The following FRMD4A variants were observed in gnomAD, a reference collection of about 807,000 sequenced individuals.
FRMD4A encodes the protein FERM domain-containing protein 4A.
Under a neutral mutation model 129.1 loss-of-function variants are expected in FRMD4A, and 29 were observed. That is an observed-to-expected ratio of 0.22 (90% CI 0.17 to 0.31). The LOEUF (loss-of-function observed/expected upper bound fraction) is 0.31. Ranked by LOEUF, FRMD4A falls within the 10% of genes least tolerant of loss-of-function variation. The pLI, the probability that FRMD4A is intolerant of heterozygous loss-of-function variation, is 1.00. For synonymous variants in FRMD4A, 634 were observed against 571.6 expected (o/e 1.11, Z -1.56); for missense variants, 1,272 against 1,375.8 (o/e 0.92, Z 1.19).
chr10:13,962,712 G>A (rs2446579), intron 2 of FRMD4A, among the ~76,000 whole-genome samples: 79,637 of 151,954 alleles, frequency 0.52, 21,293 homozygotes, highest in East Asian at 0.81. Context: ...AGTGTTCAAA[G>A]GTAGTTGGCT....
chr10:13,832,424 A>G (rs1181569049), intron 3 of FRMD4A, among the ~76,000 whole-genome samples: 1 of 152,140 alleles, frequency 6.6e-6, no homozygotes. Flanking sequence ...GGATCTTCTA[A>G]ATTAGTGATT....
Position 14,284,767 on chromosome 10 carries a change from T to C in FRMD4A, c.45+45291A>G, listed in dbSNP as rs190417879. Among the ~76,000 whole-genome samples, 4 of 152,360 alleles carry C rather than the reference T, an allele frequency of 2.6e-5. No homozygotes were observed. The East Asian group carries it at 7.7e-4, about 29-fold the overall frequency. ...TGTGGTACTATATGCATTGGTATAC[T>C]ACTTATGCTATATGCTTCTATGGTT... is the stretch of plus-strand genomic sequence containing the variant. On this transcript the variant is annotated intron_variant, in intron 2 of 24. Coordinates refer to ENST00000357447, the MANE Select transcript of FRMD4A (RefSeq NM_018027.5).
Position 13,883,503 on chromosome 10 carries a change from AAAC to A in FRMD4A, c.46-24594_46-24592del, listed in dbSNP as rs148188721. On this transcript the variant is annotated intron_variant, in intron 2 of 24. Coordinates refer to ENST00000357447, the MANE Select transcript of FRMD4A (RefSeq NM_018027.5). ...TGAGACTTTGTCTCAAAAAACAAAC[AAAC>A]AAAAAAAACCAAGAAACAAAGCACT... Among the ~76,000 whole-genome samples the A allele has an allele frequency of 0.015, 2,246 of 152,202 alleles. 130 individuals are homozygous for A. In the East Asian group the frequency reaches 0.19, roughly 13 times the overall value.
intron 9 of FRMD4A, among the ~76,000 whole-genome samples, chr10:13,745,048 T>C (rs927839499): frequency 6.6e-6 from 1 of 152,246 alleles, no homozygotes; most frequent in Non-Finnish European, 1.5e-5. Context: ...TATGTCAAAG[T>C]AGCCAAAAGT....
chr10:13,679,454 A>ATATAT (rs1564590870), intron 15 of FRMD4A, among the ~76,000 whole-genome samples: 1 of 37,040 alleles, frequency 2.7e-5, no homozygotes, highest in African/African-American at 1.2e-4. Flanking sequence ...AAAAAAAAAA[A>ATATAT]AAAAAAATAT....
At chr10:14,097,217 C>T (rs959301622) in intron 2 of FRMD4A, 2 of 146,328 alleles carry the variant, frequency 1.4e-5, no homozygotes, top group Non-Finnish European at 3.0e-5. Flanking sequence ...GGCATATATG[C>T]TATGGATTCT....
chr10:13,974,036 T>TTTTTTG (rs2095531679), intron 2 of FRMD4A, among the ~76,000 whole-genome samples: 1 of 135,412 alleles, frequency 7.4e-6, no homozygotes, highest in Non-Finnish European at 1.6e-5. Flanking sequence ...TTTTTTTTTT[T>TTTTTTG]TTTCTTTCTG....
At chr10:14,295,828 A>C (rs1036832033) in intron 2 of FRMD4A, among the ~76,000 whole-genome samples, 1 of 152,174 alleles carries the variant, frequency 6.6e-6, no homozygotes, top group African/African-American at 2.4e-5. Flanking sequence ...CATAAATTCA[A>C]CGTAATAAGC....
intron 2 of FRMD4A, among the ~76,000 whole-genome samples, chr10:14,240,000 G>A (rs960898759): frequency 2.0e-5 from 3 of 152,156 alleles, no homozygotes; most frequent in Admixed American, 1.3e-4. Context: ...GAGATACTTG[G>A]TGAACTGTAA....
chr10:13,773,070 T>C (rs759517663), intron 6 of FRMD4A, among the ~76,000 whole-genome samples: 9 of 152,160 alleles, frequency 5.9e-5, no homozygotes, highest in Non-Finnish European at 1.0e-4. Flanking sequence ...ACCCCATAAA[T>C]ATAGACACCT....
chr10:14,090,540 G>A (rs959792451), intron 2 of FRMD4A, among the ~76,000 whole-genome samples: 1 of 152,178 alleles, frequency 6.6e-6, no homozygotes, highest in African/African-American at 2.4e-5. Flanking sequence ...AAGGAGCACG[G>A]GGTTGGGTTA....
chr10:13,991,501 C>T (rs1485594575), intron 2 of FRMD4A, among the ~76,000 whole-genome samples: 1 of 152,214 alleles, frequency 6.6e-6, no homozygotes, highest in Non-Finnish European at 1.5e-5. Context: ...TCCCTGTGTA[C>T]TCCCAGGACA....
At chr10:14,198,015 C>A (rs1275510133) in intron 2 of FRMD4A, among the ~76,000 whole-genome samples, 3 of 152,204 alleles carry the variant, frequency 2.0e-5, no homozygotes, top group Admixed American at 6.5e-5. Flanking sequence ...CAATGTGGTG[C>A]TTTCCAGTGC....
intron 2 of FRMD4A, among the ~76,000 whole-genome samples, chr10:14,273,404 C>T (rs1486945293): frequency 6.6e-6 from 1 of 152,152 alleles, no homozygotes. Flanking sequence ...AAACATTCAA[C>T]TTTCATCTCC....
At chr10:14,112,829 T>C (rs574450566) in intron 2 of FRMD4A, among the ~76,000 whole-genome samples, 1 of 152,160 alleles carries the variant, frequency 6.6e-6, no homozygotes, top group Non-Finnish European at 1.5e-5. Flanking sequence ...CCCGGCCCCC[T>C]GATTAAACTT....
At chr10:14,053,479 C>G (rs1834361622) in intron 2 of FRMD4A, among the ~76,000 whole-genome samples, 1 of 152,182 alleles carries the variant, frequency 6.6e-6, no homozygotes, top group South Asian at 2.1e-4. Flanking sequence ...CCAGTGGAAG[C>G]TGGAATGCTC....
chr10:14,219,930 A>G (rs1040752876), intron 2 of FRMD4A, among the ~76,000 whole-genome samples: 1 of 152,156 alleles, frequency 6.6e-6, no homozygotes, highest in Non-Finnish European at 1.5e-5. Flanking sequence ...TTTCCCCCTA[A>G]TTCAAGATAA....
intron 12 of FRMD4A, among the ~76,000 whole-genome samples, chr10:13,717,332 G>C (rs1044748603): frequency 6.6e-6 from 1 of 152,110 alleles, no homozygotes; most frequent in Non-Finnish European, 1.5e-5. Flanking sequence ...TTTAATTTTT[G>C]AGATGGAGTC....
chr10:14,174,179 C>G (rs1841613660), intron 2 of FRMD4A, among the ~76,000 whole-genome samples: 1 of 152,038 alleles, frequency 6.6e-6, no homozygotes, highest in Admixed American at 6.5e-5. Flanking sequence ...GCCTCTGCAC[C>G]GCCACCCGGT....
Sources: gnomAD v4.1 joint callset for allele counts (sites outside exome capture counted in the v4.1 genomes callset) on GRCh38, gnomAD v4.1.1 for gene constraint, MANE v1.5 for transcripts, NCBI Gene and HGNC (gene_info 2026-07-23, HGNC 2026-07-21) for gene names.